Variants in ENDOV observed in about 807,000 individuals in gnomAD.
ENDOV encodes endonuclease V.
In ENDOV, 37 loss-of-function variants were observed where a neutral mutation model predicts 39.4. The observed-to-expected ratio is 0.94, with a 90% CI of 0.72 to 1.23. The LOEUF (loss-of-function observed/expected upper bound fraction) is 1.23. ENDOV is among the 50% of genes most tolerant of loss of function. The pLI is 0.00. For missense variants in ENDOV, 441 were observed against 375.7 expected, an observed-to-expected ratio of 1.17 and a Z score of -1.44; for synonymous variants, 186 against 163.4, an observed-to-expected ratio of 1.14 and a Z score of -1.05.
rs920164179 is a variant in ENDOV at position 80,436,344 on chromosome 17, C to T, written c.*201C>T. The T allele has an allele frequency of 6.5e-7, 1 of 1,541,232 alleles. No individual in the cohort carries two copies. On this transcript the variant is annotated 3_prime_UTR_variant, in exon 10 of 10. Transcript: ENST00000518137. Reference sequence around the variant, plus strand: ...TGGTGGTGAGAGCACACGTCCTTGTCTTGTTCCTGATCTTAAGGGAACGTT... The same window carrying T: ...TGGTGGTGAGAGCACACGTCCTTGTTTTGTTCCTGATCTTAAGGGAACGTT...
intron 9 of ENDOV, among the ~76,000 whole-genome samples, chr17:80,432,253 T>C (rs1356175370): frequency 6.6e-6 from 1 of 151,910 alleles, no homozygotes; most frequent in African/African-American, 2.4e-5. Flanking sequence ...CTCGGTACAC[T>C]CCTAATAAAT....
At chr17:80,415,330 C>T (rs1331657002) in intron 1 of ENDOV, 80 bp downstream of exon 1, 32 of 1,525,060 alleles carry the variant, frequency 2.1e-5, no homozygotes, top group Non-Finnish European at 2.8e-5. Context: ...TCATAGTCTT[C>T]AGGCTGTGGA....
intron 9 of ENDOV, among the ~76,000 whole-genome samples, chr17:80,431,291 A>G (rs1599465992): frequency 6.6e-6 from 1 of 151,990 alleles, no homozygotes; most frequent in Non-Finnish European, 1.5e-5. Flanking sequence ...TGCTGGCCCC[A>G]CCCGCCTGCG....
intron 1 of ENDOV, 150 bp from the exon 2 acceptor site, chr17:80,415,500 A>G (rs2080984757): frequency 7.9e-6 from 9 of 1,143,910 alleles, no homozygotes; most frequent in Admixed American, 2.8e-5. Flanking sequence ...CTGGGCTCCT[A>G]GGGACTGTGG....
Position 80,415,669 on chromosome 17 carries a change from G to T in ENDOV, c.76G>T (p.Ala26Ser). 5.0e-6 allele frequency: 8 copies of T among 1,612,656 alleles called. No individual in the cohort carries two copies. The highest frequency in any genetic ancestry group is 6.8e-6 in the Non-Finnish European group (8 of 1,179,412). Reference protein sequence around the residue: ...LWKREQARLKAHVVDRDTEAW... With the variant: ...LWKREQARLKSHVVDRDTEAW... ...TCCTAGGGAGCAAGCTCGGCTGAAG[G>T]CCCACGTCGTAGACCGGGACACCGA... is the stretch of plus-strand genomic sequence containing the variant. Residue 26 changes from alanine (A) to serine (S), a missense_variant, in exon 2 of 10, where the codon GCC becomes TCC. By Grantham distance (99) the Ala-to-Ser change is moderately conservative. Transcript: ENST00000518137.
intron 1 of ENDOV, 65 bp downstream of exon 1, chr17:80,415,315 C>T: frequency 1.3e-6 from 2 of 1,569,324 alleles, no homozygotes; most frequent in East Asian, 2.3e-5. Context: ...GCGGACCCTC[C>T]GAGCTCATAG....
chr17:80,431,649 C>A (rs1288545973), intron 9 of ENDOV, among the ~76,000 whole-genome samples: 1 of 145,722 alleles, frequency 6.9e-6, no homozygotes, highest in Admixed American at 7.0e-5. Flanking sequence ...GTGTCAGTGG[C>A]CCCGGACTGG....
At chr17:80,427,713 G>A (rs765154152) in intron 7 of ENDOV, 18 of 1,288,722 alleles carry the variant, frequency 1.4e-5, no homozygotes, top group South Asian at 9.9e-5. Context: ...GAGCACAGAC[G>A]GGGTTAGTGT....
At chr17:80,435,603 T>G (rs1480377543) in intron 9 of ENDOV, among the ~76,000 whole-genome samples, 2 of 151,604 alleles carry the variant, frequency 1.3e-5, no homozygotes, top group Non-Finnish European at 2.9e-5. Flanking sequence ...TACAAGCATG[T>G]GCCACCATGC....
Position 80,425,018 on chromosome 17 carries a change from C to G in ENDOV, c.517-14C>G. 6.2e-7 allele frequency: 1 copy of G among 1,609,772 alleles called. No homozygotes were observed. The highest frequency in any genetic ancestry group is 1.1e-5 in the South Asian group (1 of 90,148). ...AGAGGGGTTTTTTTCCCCATTTTTC[C>G]CTCCATTTTCCAGATCCGACTCCTG... On this transcript the variant is annotated splice_polypyrimidine_tract_variant and intron_variant, in intron 5 of 9. Transcript: ENST00000518137.
chr17:80,427,635 AT>A, intron 7 of ENDOV: 1 of 1,190,864 alleles, frequency 8.4e-7, no homozygotes, highest in Non-Finnish European at 1.1e-6. Context: ...CTCTCGGTCC[AT>A]TTTCTTCCTG....
At chr17:80,421,764 G>A (rs2082063383) in intron 2 of ENDOV, 64 bp from the exon 3 acceptor site, 4 of 1,543,374 alleles carry the variant, frequency 2.6e-6, no homozygotes, top group Admixed American at 1.9e-5. Context: ...GGGCATGGAC[G>A]GACTGGGGAT....
Position 80,436,542 on chromosome 17 carries a change from C to T in ENDOV, c.*399C>T. On this transcript the variant is annotated 3_prime_UTR_variant, in exon 10 of 10. Transcript: ENST00000518137. Reference sequence around the variant, plus strand: ...TCTATTGAAAAGATCCTGTGTTCTTCTGTGAATATGAGGTGTTACATTGAT... The same window carrying T: ...TCTATTGAAAAGATCCTGTGTTCTTTTGTGAATATGAGGTGTTACATTGAT... 1.3e-5 allele frequency: 5 copies of T among 388,142 alleles called. No individual in the cohort carries two copies. The highest frequency in any genetic ancestry group is 1.8e-5 in the Non-Finnish European group (4 of 220,790). The allele number at this position is 388,142 out of a possible 1,614,324, so 24.0% of individuals were successfully genotyped here.
chr17:80,430,911 G>A (rs999455123), intron 9 of ENDOV, among the ~76,000 whole-genome samples: 5 of 152,174 alleles, frequency 3.3e-5, no homozygotes, highest in African/African-American at 7.2e-5. Context: ...GGCTAGAGGC[G>A]CCAGCTGAGG....
chr17:80,429,069 G>A lies in ENDOV; in HGVS notation c.779+409G>A, dbSNP rs41300786. Among the ~76,000 whole-genome samples, 69 of 152,310 alleles carry A rather than the reference G, an allele frequency of 4.5e-4. No homozygotes were observed. The East Asian group carries it at 0.012, about 26-fold the overall frequency. On this transcript the variant is annotated intron_variant, in intron 8 of 9. Coordinates refer to ENST00000518137, the MANE Select transcript of ENDOV (RefSeq NM_173627.5). Reference sequence around the variant, plus strand: ...GCCAGCTGTGGCGTTTGCACTCTTCGAGCCTCAGCTTCCTCATCGTCGGGA... The same window carrying A: ...GCCAGCTGTGGCGTTTGCACTCTTCAAGCCTCAGCTTCCTCATCGTCGGGA...
Position 80,436,492 on chromosome 17 carries a change from G to A in ENDOV, c.*349G>A. 1 of 675,140 alleles carries A rather than the reference G, an allele frequency of 1.5e-6. No homozygotes were observed. Among genetic ancestry groups the A allele is most frequent in the Non-Finnish European group, 2.1e-6 (1 of 471,820 alleles). 41.8% of individuals were successfully genotyped at this position (675,140 alleles called of 1,614,324 possible). On this transcript the variant is annotated 3_prime_UTR_variant, in exon 10 of 10. Transcript: ENST00000518137. ...GTGTTTTTATCCTTAAAGGGTACTG[G>A]ATTTTGTCAAATGCTTTTCTGGCCT...
At chr17:80,419,595 C>A (rs2081703400) in intron 2 of ENDOV, 2 of 702,890 alleles carry the variant, frequency 2.8e-6, no homozygotes, top group Non-Finnish European at 5.2e-6. Context: ...GTTCTGCCTT[C>A]AGGTAGCAAA....
In ENDOV at chr17:80,415,207, G is replaced by T. The variant is rs1419948226; in HGVS notation, c.13G>T (p.Ala5Ser). The change falls in exon 1 of 10, where the codon GCG becomes TCG. Residue 5 changes from alanine (A) to serine (S), a missense_variant. By Grantham distance (99) the Ala-to-Ser change is moderately conservative. Transcript: ENST00000518137. MALE[A>S]AGGPPEETLS... ...CCGGGACGAAGCCATGGCCCTGGAGGCGGCGGGAGGGCCGCCGGAGGAAAC... is the reference window on the plus strand; with the variant it reads ...CCGGGACGAAGCCATGGCCCTGGAGTCGGCGGGAGGGCCGCCGGAGGAAAC... The T allele has an allele frequency of 1.9e-6, 3 of 1,613,334 alleles. No individual in the cohort carries two copies. Among genetic ancestry groups the T allele is most frequent in the South Asian group, 2.2e-5 (2 of 91,062 alleles).
At chr17:80,422,155 G>T in intron 3 of ENDOV, 51 bp from the exon 4 acceptor site, 1 of 1,610,940 alleles carries the variant, frequency 6.2e-7, no homozygotes, top group East Asian at 2.2e-5. Flanking sequence ...GCCCTGTCCT[G>T]AGGGCCGAGG....
Sources: allele counts gnomAD v4.1 joint callset (sites outside exome capture counted in the v4.1 genomes callset), GRCh38; gene constraint gnomAD v4.1.1; transcripts MANE v1.5; gene names NCBI Gene and HGNC (gene_info 2026-07-23, HGNC 2026-07-21).